GLIS3: variants seen among roughly 807,000 people sequenced by gnomAD.
GLIS3 encodes GLIS family zinc finger 3.
A neutral mutation model predicts 78.6 loss-of-function variants in GLIS3; 53 were observed. The ratio of observed to expected loss-of-function variants is 0.67; its 90% CI spans 0.54 to 0.85. The LOEUF (loss-of-function observed/expected upper bound fraction) is 0.85, where lower values mean the gene tolerates loss of function less well. GLIS3 is among the 40% of genes least tolerant of loss of function. The pLI is 0.00. For synonymous variants in GLIS3, 684 were observed against 509.9 expected, an observed-to-expected ratio of 1.34 and a Z score of -4.60; for missense variants, 1,703 against 1,231.1, an observed-to-expected ratio of 1.38 and a Z score of -5.74.
intron 7 of GLIS3, among the ~76,000 whole-genome samples, chr9:3,897,574 T>C (rs575664164): frequency 1.3e-5 from 2 of 152,304 alleles, no homozygotes; most frequent in South Asian, 2.1e-4. Context: ...CATCTCCCTG[T>C]GTCTCAAAAA....
At chr9:4,263,344 G>A (rs905715016) in intron 2 of GLIS3, among the ~76,000 whole-genome samples, 1 of 152,132 alleles carries the variant, frequency 6.6e-6, no homozygotes, top group African/African-American at 2.4e-5. Flanking sequence ...GAACTATTAT[G>A]GTTTAGATGT....
the GLIS3 span, among the ~76,000 whole-genome samples, chr9:4,477,521 C>G: frequency 6.6e-6 from 1 of 151,902 alleles, no homozygotes; most frequent in Non-Finnish European, 1.5e-5. Context: ...CTCAAGTGAT[C>G]CTCCCCCCTC....
chr9:4,000,724 C>T (rs1821070825), intron 4 of GLIS3, among the ~76,000 whole-genome samples: 1 of 152,276 alleles, frequency 6.6e-6, no homozygotes, highest in South Asian at 2.1e-4. Context: ...TTGCAGCTTC[C>T]TCCCTGCCGC....
At chr9:3,918,093 G>T (rs1824641265) in intron 6 of GLIS3, among the ~76,000 whole-genome samples, 1 of 152,162 alleles carries the variant, frequency 6.6e-6, no homozygotes, top group Non-Finnish European at 1.5e-5. Context: ...AATGTTTAGG[G>T]CTAAATGCAG....
At chr9:4,399,497 G>C in the GLIS3 span, among the ~76,000 whole-genome samples, 1 of 152,158 alleles carries the variant, frequency 6.6e-6, no homozygotes, top group African/African-American at 2.4e-5. Context: ...CTCATAGCTG[G>C]CCAGGAGGCA....
intron 4 of GLIS3, among the ~76,000 whole-genome samples, chr9:4,065,840 C>T (rs188080485): frequency 6.6e-6 from 1 of 152,154 alleles, no homozygotes; most frequent in East Asian, 1.9e-4. Flanking sequence ...TGATATCACA[C>T]AGTTCTAACT....
At chr9:4,197,037 G>T (rs896545546) in intron 2 of GLIS3, among the ~76,000 whole-genome samples, 4 of 152,128 alleles carry the variant, frequency 2.6e-5, no homozygotes, top group Non-Finnish European at 5.9e-5. Context: ...GGTGCAGTGG[G>T]GCTCTGCTCC....
chr9:3,907,605 A>ACACACACACACACAC (rs1823802742), intron 6 of GLIS3, among the ~76,000 whole-genome samples: 1 of 92,254 alleles, frequency 1.1e-5, no homozygotes, highest in African/African-American at 4.7e-5. Flanking sequence ...CCACCCCCCA[A>ACACACACACACACAC]ACACACACAC....
intron 4 of GLIS3, among the ~76,000 whole-genome samples, chr9:3,974,925 A>C (rs954846928): frequency 2.0e-5 from 3 of 152,130 alleles, no homozygotes; most frequent in African/African-American, 7.2e-5. Context: ...ATTAAAAAGA[A>C]AAAGAAAGGT....
chr9:4,024,385 A>T (rs1415049128), intron 4 of GLIS3, among the ~76,000 whole-genome samples: 3 of 152,032 alleles, frequency 2.0e-5, no homozygotes, highest in African/African-American at 2.4e-5. Context: ...AGAATTTATT[A>T]TTTTTTTTCT....
At chr9:4,385,623 C>T in the GLIS3 span, among the ~76,000 whole-genome samples, 3 of 139,086 alleles carry the variant, frequency 2.2e-5, no homozygotes, top group East Asian at 2.2e-4. Context: ...TGAGATCACG[C>T]TATTGCACTC....
chr9:4,326,471 C>T (rs1315461030), intron 2 of GLIS3, among the ~76,000 whole-genome samples: 1 of 152,042 alleles, frequency 6.6e-6, no homozygotes, highest in South Asian at 2.1e-4. Flanking sequence ...TGTGAGATTC[C>T]ACTTACATGA....
chr9:4,210,017 G>A (rs1820245555), intron 2 of GLIS3, among the ~76,000 whole-genome samples: 1 of 152,186 alleles, frequency 6.6e-6, no homozygotes, highest in African/African-American at 2.4e-5. Flanking sequence ...CACATTTCAG[G>A]AAATGTAAGG....
chr9:4,378,430 T>C, the GLIS3 span, among the ~76,000 whole-genome samples: 2 of 152,120 alleles, frequency 1.3e-5, no homozygotes, highest in Non-Finnish European at 2.9e-5. Context: ...GTTTATATTT[T>C]TTTCTTTCAC....
chr9:4,375,610 G>GT, the GLIS3 span, among the ~76,000 whole-genome samples: 1 of 152,130 alleles, frequency 6.6e-6, no homozygotes, highest in Non-Finnish European at 1.5e-5. Flanking sequence ...GATGTAAAAA[G>GT]TAACAACTAA....
chr9:3,968,626 T>C (rs1424353100), intron 4 of GLIS3, among the ~76,000 whole-genome samples: 1 of 152,206 alleles, frequency 6.6e-6, no homozygotes, highest in Admixed American at 6.5e-5. Flanking sequence ...TATAATGTTA[T>C]TCTTGCCAAT....
chr9:4,396,603 T>TA, the GLIS3 span, among the ~76,000 whole-genome samples: 1 of 152,260 alleles, frequency 6.6e-6, no homozygotes, highest in South Asian at 2.1e-4. Context: ...GACAGACTTC[T>TA]AGCTAGCTTT....
At chr9:3,889,356 G>A (rs1371765715) in intron 7 of GLIS3, among the ~76,000 whole-genome samples, 1 of 152,176 alleles carries the variant, frequency 6.6e-6, no homozygotes, top group Non-Finnish European at 1.5e-5. Flanking sequence ...TGCCCTGGGA[G>A]ACCTATGAGT....
intron 2 of GLIS3, among the ~76,000 whole-genome samples, chr9:4,140,548 A>G (rs1833732990): frequency 6.6e-6 from 1 of 152,188 alleles, no homozygotes; most frequent in African/African-American, 2.4e-5. Flanking sequence ...ATTAAAATGA[A>G]GTCACCCCTA....
Sources: allele counts gnomAD v4.1 joint callset (sites outside exome capture counted in the v4.1 genomes callset), GRCh38; gene constraint gnomAD v4.1.1; transcripts MANE v1.5; gene names NCBI Gene and HGNC (gene_info 2026-07-23, HGNC 2026-07-21).